Variants in WNK2 observed in about 807,000 individuals in gnomAD.
WNK2 encodes the protein WNK lysine deficient protein kinase 2, also known as serine/threonine-protein kinase WNK2.
WNK2 carries 67 observed loss-of-function variants against 192.1 expected under a neutral mutation model. That is an observed-to-expected ratio of 0.35 (90% CI 0.29 to 0.43). The LOEUF (loss-of-function observed/expected upper bound fraction) is 0.43. WNK2 is among the 20% of genes least tolerant of loss of function. The pLI is 1.00. For synonymous variants in WNK2, 1,439 were observed against 1,393.9 expected (o/e 1.03, Z -0.72); for missense variants, 2,698 against 3,089.7 (o/e 0.87, Z 3.01).
chr9:93,290,713 G>A (rs1202442761), intron 21 of WNK2, among the ~76,000 whole-genome samples: 3 of 152,216 alleles, frequency 2.0e-5, no homozygotes, highest in Admixed American at 6.5e-5. Flanking sequence ...AGAGCAGTGC[G>A]GTGGGGGGGG....
chr9:93,197,473 C>A (rs1290207173), intron 2 of WNK2, among the ~76,000 whole-genome samples: 1 of 152,200 alleles, frequency 6.6e-6, no homozygotes, highest in Non-Finnish European at 1.5e-5. Flanking sequence ...TCAGCATTGT[C>A]TTCTGAAGGT....
intron 2 of WNK2, among the ~76,000 whole-genome samples, chr9:93,226,051 G>T (rs531113543): frequency 6.6e-6 from 1 of 152,146 alleles, no homozygotes; most frequent in South Asian, 2.1e-4. Flanking sequence ...AGTCTGGACC[G>T]CCTGGCTTGG....
intron 4 of WNK2, 21 bp from the exon 5 acceptor site, chr9:93,234,787 G>T: frequency 1.2e-6 from 2 of 1,607,152 alleles, no homozygotes; most frequent in Non-Finnish European, 1.7e-6. Flanking sequence ...TGACAGCTGC[G>T]TCTGTTGCTT....
At position 93,289,922 on chromosome 9, in the gene WNK2, T is replaced by C. The variant is rs1849048509; in HGVS notation, c.4867-56T>C. ...GGAGTGGATTTGCAGATACAGCTGT[T>C]GAGATGCTGACCTGTGAGTCTCACG... On this transcript the variant is annotated intron_variant, in intron 20 of 29. Transcript: ENST00000427277. 1.1e-5 allele frequency: 16 copies of C among 1,493,804 alleles called. No individual in the cohort carries two copies. In the Admixed American group the frequency reaches 2.0e-4, roughly 19 times the overall value. The allele number at this position is 1,493,804 out of a possible 1,614,324, so 92.5% of individuals were successfully genotyped here. A position where few individuals can be genotyped will look rare whatever the true frequency, so the allele number is the denominator to read the frequency against.
intron 2 of WNK2, among the ~76,000 whole-genome samples, chr9:93,211,577 C>A (rs796674860): frequency 8.0e-5 from 12 of 149,882 alleles, no homozygotes; most frequent in African/African-American, 2.9e-4. Flanking sequence ...CACACATTCA[C>A]TCACTCATTT....
rs1840397832 is a variant in WNK2, at chr9:93,239,556, G to A, written c.1323-201G>A. ...TTTTTTATAATGAGGGGGAATAAAG[G>A]AAGTCTTAAAACACTATGTGTTAAT... On this transcript the variant is annotated intron_variant, in intron 6 of 29. Transcript: ENST00000427277. This position sits in a 1 kb window ranked among gnomAD's most constrained non-coding sequence, Gnocchi z 4.2. Among the ~76,000 whole-genome samples the A allele has an allele frequency of 6.6e-6, 1 of 152,096 alleles. No individual in the cohort carries two copies. Among genetic ancestry groups the A allele is most frequent in the Non-Finnish European group, 1.5e-5 (1 of 68,010 alleles).
chr9:93,267,704 G>C, intron 16 of WNK2, 42 bp from the exon 17 acceptor site: 1 of 1,518,730 alleles, frequency 6.6e-7, no homozygotes, highest in Non-Finnish European at 8.9e-7. Flanking sequence ...GGGTGGTCTT[G>C]GCCTTGCAGC....
chr9:93,250,436 CT>C (rs1484772003), intron 8 of WNK2, among the ~76,000 whole-genome samples: 2 of 152,380 alleles, frequency 1.3e-5, no homozygotes, highest in East Asian at 3.9e-4. Context: ...CATGTACACC[CT>C]TATCCCCTTC....
chr9:93,280,227 G>T (rs1847520701), intron 19 of WNK2, among the ~76,000 whole-genome samples: 1 of 152,184 alleles, frequency 6.6e-6, no homozygotes, highest in East Asian at 1.9e-4. Context: ...TATTGAAAAG[G>T]TTGGTACAGA....
At chr9:93,276,100 A>G (rs1363115124) in intron 19 of WNK2, among the ~76,000 whole-genome samples, 2 of 152,258 alleles carry the variant, frequency 1.3e-5, no homozygotes, top group African/African-American at 4.8e-5. Flanking sequence ...TTGACATTCT[A>G]AAATTTATAT....
chr9:93,260,955 C>T (rs1003939290), intron 12 of WNK2, among the ~76,000 whole-genome samples: 3 of 152,162 alleles, frequency 2.0e-5, no homozygotes, highest in Non-Finnish European at 4.4e-5. Context: ...TGCCTTGTGA[C>T]ATGTGAGGGT....
Position 93,259,546 on chromosome 9 carries a change from G to T in WNK2, c.2998G>T (p.Val1000Leu). 1 of 1,593,070 alleles carries T rather than the reference G, an allele frequency of 6.3e-7. No homozygotes were observed. Among genetic ancestry groups the T allele is most frequent in the Non-Finnish European group, 8.5e-7 (1 of 1,176,826 alleles). The change falls in exon 12 of 30, where the codon GTG becomes TTG. Residue 1000 changes from valine to leucine, a missense_variant. Physicochemically the swap from Val to Leu is conservative, Grantham distance 32. This residue lies in a region of WNK2 where 893 missense variants were observed against 909.0 expected (regional missense o/e 0.98). Transcript: ENST00000427277. The surrounding 1 kb of genome is among the most constrained non-coding windows in gnomAD (Gnocchi z 4.8). ...GCTGCCCCCGCAGCCGGCACTGCCTGTGCGCCCTGAGCCCCTCCAGCCCCA... is the reference window on the plus strand; with the variant it reads ...GCTGCCCCCGCAGCCGGCACTGCCTTTGCGCCCTGAGCCCCTCCAGCCCCA... ...PVLPPQPALP[V>L]RPEPLQPHLP... is the part of the protein sequence containing the mutation.
At position 93,308,546 on chromosome 9, in the gene WNK2, G is replaced by A. The variant is rs554855816; in HGVS notation, c.6478G>A (p.Ala2160Thr). ...KQTQKLQDME[A>T]QAGWAAPGEA... ...GACCCAGAAGCTGCAAGACATGGAG[G>A]CCCAGGCAGGCTGGGCTGCCCCTGG... The change falls in exon 28 of 30, where the codon GCC becomes ACC. Residue 2160 changes from alanine to threonine, a missense_variant. Around this residue, in one of 7 missense-constraint regions of WNK2, gnomAD observed 167 missense variants for 184.2 expected, o/e 0.91. Transcript: ENST00000427277. The A allele has an allele frequency of 5.5e-5, 88 of 1,598,494 alleles. 1 individual carries two copies. The East Asian group carries it at 1.9e-3, about 35-fold the overall frequency.
chr9:93,318,221 T>A, intron 29 of WNK2: 1 of 1,481,754 alleles, frequency 6.7e-7, no homozygotes, highest in Non-Finnish European at 8.9e-7. Flanking sequence ...AATCTTTATT[T>A]ACTGTTTTAA....
At chr9:93,219,199 G>A (rs1157531289) in intron 2 of WNK2, among the ~76,000 whole-genome samples, 1 of 152,274 alleles carries the variant, frequency 6.6e-6, no homozygotes, top group Non-Finnish European at 1.5e-5. Context: ...CCTCTGACAA[G>A]GTAGCTTTCT....
At chr9:93,251,926 G>A (rs1842655519) in intron 8 of WNK2, among the ~76,000 whole-genome samples, 1 of 152,122 alleles carries the variant, frequency 6.6e-6, no homozygotes, top group Non-Finnish European at 1.5e-5. Context: ...GGTTACAGTA[G>A]GTTCAGTCCA....
Position 93,298,940 on chromosome 9 carries a change from C to T in WNK2, c.5924-130C>T, listed in dbSNP as rs1851090413. Reference sequence around the variant, plus strand: ...CCTCTGTGGGAGATGTGGCCATGTGCCTGTGGTCTGCAGGAGACGTGAGCT... The same window carrying T: ...CCTCTGTGGGAGATGTGGCCATGTGTCTGTGGTCTGCAGGAGACGTGAGCT... On this transcript the variant is annotated intron_variant, in intron 24 of 29. Transcript: ENST00000427277. 9.7e-6 allele frequency: 9 copies of T among 926,542 alleles called. No homozygotes were observed. The South Asian group carries it at 1.6e-4, about 16-fold the overall frequency. 57.4% of individuals were successfully genotyped at this position (926,542 alleles called of 1,614,324 possible).
At chr9:93,185,878 C>T (rs544403301) in intron 2 of WNK2, among the ~76,000 whole-genome samples, 2 of 152,292 alleles carry the variant, frequency 1.3e-5, no homozygotes, top group East Asian at 3.9e-4. Context: ...TGTAAGTGTG[C>T]ACGCTGTGGG....
intron 2 of WNK2, among the ~76,000 whole-genome samples, chr9:93,202,494 A>T (rs1041091717): frequency 2.0e-5 from 3 of 152,014 alleles, no homozygotes; most frequent in African/African-American, 7.2e-5. Flanking sequence ...GCCCGGCCCT[A>T]CCAGGGGAGA....
Sources: allele counts gnomAD v4.1 joint callset (sites outside exome capture counted in the v4.1 genomes callset), GRCh38; gene constraint gnomAD v4.1.1; regional missense constraint gnomAD v4.1.1; non-coding constraint Gnocchi (gnomAD v3.1); transcripts MANE v1.5; gene names NCBI Gene and HGNC (gene_info 2026-07-23, HGNC 2026-07-21).